C2CD3: variants seen among roughly 807,000 people sequenced by gnomAD.
C2CD3 encodes C2 domain-containing protein 3.
A neutral mutation model predicts 234.0 loss-of-function variants in C2CD3; 148 were observed. The observed-to-expected ratio is 0.63, with a 90% CI of 0.55 to 0.72. C2CD3 has a LOEUF of 0.72. Among genes scored for constraint, C2CD3 ranks in the 30% least tolerant of loss-of-function variants. C2CD3 has a pLI of 0.00. For missense variants in C2CD3, 2,577 were observed against 2,811.5 expected (o/e 0.92, Z 1.89); for synonymous variants, 1,000 against 1,035.4 (o/e 0.97, Z 0.66).
chr11:74,170,430 TACACACAC>T (rs903681799), intron 1 of C2CD3, among the ~76,000 whole-genome samples: 1 of 152,188 alleles, frequency 6.6e-6, no homozygotes, highest in African/African-American at 2.4e-5. Flanking sequence ...CCTCGAAAGC[TACACACAC>T]ACATACATTT....
chr11:74,020,162 G>A (rs1331466630), intron 32 of C2CD3, among the ~76,000 whole-genome samples: 1 of 152,236 alleles, frequency 6.6e-6, no homozygotes, highest in Non-Finnish European at 1.5e-5. Context: ...AAGGCACAGA[G>A]CAAGACAAGG....
intron 8 of C2CD3, among the ~76,000 whole-genome samples, chr11:74,122,218 T>A (rs1160825564): frequency 6.6e-5 from 10 of 152,242 alleles, no homozygotes; most frequent in Admixed American, 6.5e-4. Context: ...TTGTATCTTT[T>A]CTCTGCTTCT....
intron 24 of C2CD3, among the ~76,000 whole-genome samples, chr11:74,065,861 C>G (rs1954500338): frequency 7.4e-6 from 1 of 135,002 alleles, no homozygotes; most frequent in Non-Finnish European, 1.5e-5. Context: ...GGGAATTGAA[C>G]AATGAGAACA....
chr11:74,121,618 A>G (rs1270491361), intron 8 of C2CD3, among the ~76,000 whole-genome samples: 3 of 133,058 alleles, frequency 2.3e-5, no homozygotes, highest in Non-Finnish European at 4.5e-5. Flanking sequence ...CAAAAAAAAA[A>G]AAAAAAAAAA....
In C2CD3 at chr11:74,021,896, C is replaced by T. The variant is rs184657546; in HGVS notation, c.6921+6391G>A. Among the ~76,000 whole-genome samples the T allele has an allele frequency of 3.1e-3, 475 of 152,176 alleles. 1 individual carries two copies. Among genetic ancestry groups the T allele is most frequent in the Middle Eastern group, 0.024 (7 of 294 alleles). On this transcript the variant is annotated intron_variant, in intron 32 of 32. Coordinates refer to ENST00000334126, the MANE Select transcript of C2CD3 (RefSeq NM_001286577.2). ...ATCACAGCATTTTGGGAAGCTGAGGCGGGCAGATCACTTGAGGTCAGGAGT... is the reference window on the plus strand; with the variant it reads ...ATCACAGCATTTTGGGAAGCTGAGGTGGGCAGATCACTTGAGGTCAGGAGT...
At chr11:74,023,612 C>T (rs879730733) in intron 32 of C2CD3, among the ~76,000 whole-genome samples, 3 of 152,176 alleles carry the variant, frequency 2.0e-5, no homozygotes, top group Non-Finnish European at 4.4e-5. Flanking sequence ...CTCAAAAGGC[C>T]AATACCTCCA....
chr11:74,080,811 T>C (rs1251892883), intron 22 of C2CD3, among the ~76,000 whole-genome samples: 1 of 152,202 alleles, frequency 6.6e-6, no homozygotes, highest in Non-Finnish European at 1.5e-5. Flanking sequence ...ATCTTTCACA[T>C]GTAAGATTTT....
chr11:74,110,915 G>A (rs144109687), intron 11 of C2CD3, among the ~76,000 whole-genome samples: 1 of 152,216 alleles, frequency 6.6e-6, no homozygotes, highest in African/African-American at 2.4e-5. Context: ...CATATGATTA[G>A]TGTGTGGTAT....
intron 24 of C2CD3, among the ~76,000 whole-genome samples, chr11:74,068,347 T>C (rs573384857): frequency 3.3e-5 from 5 of 152,328 alleles, no homozygotes; most frequent in Non-Finnish European, 7.3e-5. Context: ...ACAGCAGCTC[T>C]CACATATTGT....
At chr11:74,076,997 T>C (rs1955067826) in intron 23 of C2CD3, among the ~76,000 whole-genome samples, 2 of 152,138 alleles carry the variant, frequency 1.3e-5, no homozygotes. Flanking sequence ...ATCTTTGAAT[T>C]CCCAGGTCCA....
Position 74,013,411 on chromosome 11 carries a change from A to G in C2CD3, c.7036T>C (p.Ser2346Pro). ...CAGTCTTTCTGGGAGTACTGAGAAG[A>G]AAATATCCGTGCAATCCTGAGAGTT... ...EETLRIARIF[S>P]SQYSQKD The change falls in exon 33 of 33, where the codon TCT becomes CCT. Residue 2346 changes from serine (S) to proline (P), a missense_variant. By Grantham distance (74) the Ser-to-Pro change is moderately conservative. Transcript: ENST00000334126. 7.8e-7 allele frequency: 1 copy of G among 1,281,808 alleles called. No individual in the cohort carries two copies. The highest frequency in any genetic ancestry group is 1.0e-6 in the Non-Finnish European group (1 of 975,342). 79.4% of individuals were successfully genotyped at this position (1,281,808 alleles called of 1,614,324 possible). A position where few individuals can be genotyped will look rare whatever the true frequency, so the allele number is the denominator to read the frequency against.
At chr11:74,053,829 G>A (rs1473063009) in intron 26 of C2CD3, among the ~76,000 whole-genome samples, 1 of 152,170 alleles carries the variant, frequency 6.6e-6, no homozygotes, top group Non-Finnish European at 1.5e-5. Flanking sequence ...AATTCTGTAG[G>A]AGAATAGGCC....
intron 5 of C2CD3, among the ~76,000 whole-genome samples, chr11:74,138,450 G>T (rs991405084): frequency 2.0e-5 from 3 of 152,136 alleles, no homozygotes; most frequent in Non-Finnish European, 4.4e-5. Flanking sequence ...CCTTTTCTAT[G>T]ATAAAGGTTT....
At position 74,014,097 on chromosome 11, in the gene C2CD3, G is replaced by A. The variant is rs567068323; in HGVS notation, c.6922-572C>T. ...TGGCTGACAGGGCATCACTAATTCCGCCTTTAAGGTACTTAAACCTGTGGG... is the reference window on the plus strand; with the variant it reads ...TGGCTGACAGGGCATCACTAATTCCACCTTTAAGGTACTTAAACCTGTGGG... On this transcript the variant is annotated intron_variant, in intron 32 of 32. Transcript: ENST00000334126. 7.9e-5 allele frequency among the ~76,000 whole-genome samples: 12 copies of A among 152,224 alleles called. No individual in the cohort carries two copies. The South Asian group carries it at 1.9e-3, about 24-fold the overall frequency.
At chr11:74,014,973 GATCT>G (rs1591248706) in intron 32 of C2CD3, among the ~76,000 whole-genome samples, 1 of 152,252 alleles carries the variant, frequency 6.6e-6, no homozygotes, top group East Asian at 1.9e-4. Context: ...GAGACTAGAA[GATCT>G]ATCTCCCTGC....
chr11:74,156,256 G>A (rs745865178), intron 3 of C2CD3, among the ~76,000 whole-genome samples: 3 of 151,496 alleles, frequency 2.0e-5, no homozygotes, highest in Admixed American at 6.6e-5. Flanking sequence ...CCTGGTGACC[G>A]AGCAAGACTC....
chr11:74,095,306 C>T lies in C2CD3; in HGVS notation c.3082G>A (p.Asp1028Asn). 1 of 1,613,864 alleles carries T rather than the reference C, an allele frequency of 6.2e-7. No homozygotes were observed. The highest frequency in any genetic ancestry group is 8.5e-7 in the Non-Finnish European group (1 of 1,179,794). The stretch of plus-strand genomic sequence containing the variant: ...GGAAAGTAGTACTGGACATAACAAT[C>T]TGCTTCTCCCCAGACTGTTGCCTGA... ...PLQATVWGEA[D>N]CYVQYYFPVQ... The change falls in exon 17 of 33, where the codon GAT (aspartate) becomes AAT (asparagine). Residue 1028 changes from aspartate (D) to asparagine (N), a missense_variant. By Grantham distance (23) the Asp-to-Asn change is conservative. Coordinates refer to ENST00000334126, the MANE Select transcript of C2CD3 (RefSeq NM_001286577.2).
intron 31 of C2CD3, among the ~76,000 whole-genome samples, chr11:74,032,269 C>A (rs1027088788): frequency 2.6e-5 from 4 of 152,164 alleles, no homozygotes; most frequent in Non-Finnish European, 2.9e-5. Context: ...CAAAGTCAGG[C>A]TCCCTGACTT....
At chr11:74,057,806 A>T (rs1954030622) in intron 24 of C2CD3, among the ~76,000 whole-genome samples, 1 of 149,992 alleles carries the variant, frequency 6.7e-6, no homozygotes, top group African/African-American at 2.4e-5. Flanking sequence ...TCCCATGTAT[A>T]AAAAAAAAAT....
Sources: allele counts gnomAD v4.1 joint callset (sites outside exome capture counted in the v4.1 genomes callset), GRCh38; gene constraint gnomAD v4.1.1; transcripts MANE v1.5; gene names NCBI Gene and HGNC (gene_info 2026-07-23, HGNC 2026-07-21).